The following PLPPR4 variants were observed in gnomAD, a reference collection of about 807,000 sequenced individuals.
PLPPR4 encodes the protein phospholipid phosphatase-related protein type 4.
Under a neutral mutation model 56.6 loss-of-function variants are expected in PLPPR4, and 24 were observed. That is an observed-to-expected ratio of 0.42 (90% CI 0.31 to 0.60). PLPPR4 has a LOEUF of 0.60. Ranked by LOEUF, PLPPR4 falls within the 20% of genes least tolerant of loss-of-function variation. The pLI is 0.13. For synonymous variants in PLPPR4, 326 were observed against 328.1 expected (o/e 0.99, Z 0.07); for missense variants, 654 against 885.8 (o/e 0.74, Z 3.32).
intron 5 of PLPPR4, among the ~76,000 whole-genome samples, chr1:99,301,467 C>T (rs1170509488): frequency 2.0e-5 from 3 of 151,990 alleles, no homozygotes; most frequent in African/African-American, 7.2e-5. Flanking sequence ...CGACAAGTAA[C>T]ATGGAGACTA....
chr1:99,287,890 G>C (rs1286035553), intron 1 of PLPPR4, 75 bp from the exon 2 acceptor site: 1 of 1,147,814 alleles, frequency 8.7e-7, no homozygotes, highest in Non-Finnish European at 1.2e-6. Context: ...GAGAAGGAGA[G>C]AAAGCCACTT....
At chr1:99,284,161 C>T (rs936354494) in intron 1 of PLPPR4, among the ~76,000 whole-genome samples, 15 of 152,072 alleles carry the variant, frequency 9.9e-5, no homozygotes, top group East Asian at 9.6e-4. Flanking sequence ...ATGCCGAAAC[C>T]GGCACATACC....
intron 3 of PLPPR4, among the ~76,000 whole-genome samples, chr1:99,297,133 T>C (rs72736391): frequency 0.055 from 8,380 of 152,248 alleles, 347 homozygotes; most frequent in East Asian, 0.17. Flanking sequence ...GGTTGAAGTA[T>C]GAATTTATTT....
chr1:99,303,623 T>C (rs1217526587), intron 6 of PLPPR4, among the ~76,000 whole-genome samples: 2 of 152,190 alleles, frequency 1.3e-5, no homozygotes, highest in African/African-American at 4.8e-5. Context: ...TTCTCAATCA[T>C]GTGGTCTTAG....
At chr1:99,264,262 T>A (rs1658830916), upstream of PLPPR4, 1 of 580,704 alleles carries the variant, frequency 1.7e-6, no homozygotes, top group African/African-American at 1.9e-5. Context: ...GCAAGGGCGG[T>A]AGAGAGCTGA....
chr1:99,281,303 T>C (rs1659319227), intron 1 of PLPPR4, among the ~76,000 whole-genome samples: 1 of 152,216 alleles, frequency 6.6e-6, no homozygotes, highest in African/African-American at 2.4e-5. Context: ...CACACTGCCC[T>C]GTTTCAATTT....
At chr1:99,267,096 C>T (rs1005282736) in intron 1 of PLPPR4, among the ~76,000 whole-genome samples, 8 of 152,338 alleles carry the variant, frequency 5.3e-5, no homozygotes, top group Admixed American at 2.0e-4. Context: ...TTCTCTGTTA[C>T]TCAAACCATA....
Position 99,307,218 on chromosome 1 carries a change from T to G in PLPPR4, c.*208T>G. ...GCACAATGCAAGAACCTAACTAACG[T>G]GATGATATGAAGAGTTTTCTTAAGA... On this transcript the variant is annotated 3_prime_UTR_variant, in exon 7 of 7. Coordinates refer to ENST00000370185, the MANE Select transcript of PLPPR4 (RefSeq NM_014839.5). 1 of 556,448 alleles carries G rather than the reference T, an allele frequency of 1.8e-6. No homozygotes were observed. The highest frequency in any genetic ancestry group is 2.9e-5 in the East Asian group (1 of 33,966). 34.5% of individuals were successfully genotyped at this position (556,448 alleles called of 1,614,324 possible).
chr1:99,290,811 T>TA (rs1659597527), intron 2 of PLPPR4, among the ~76,000 whole-genome samples: 1 of 152,186 alleles, frequency 6.6e-6, no homozygotes, highest in African/African-American at 2.4e-5. Flanking sequence ...ATTAAAGACT[T>TA]ACATGTAAAA....
In PLPPR4 at chr1:99,306,974, C is replaced by T; in HGVS notation, c.2112C>T (p.Tyr704=). The stretch of plus-strand genomic sequence containing the variant: ...CCGAAAACACTAGAAATATCTTCTA[C>T]AAAGGAACCTCCCCCACACGGGCTT... The part of the protein sequence containing the change: ...NSPENTRNIF[Y]KGTSPTRAYK... The change falls in exon 7 of 7, where the codon TAC becomes TAT. Residue 704 remains tyrosine (Y), a synonymous_variant. Transcript: ENST00000370185. This position sits in a 1 kb window ranked among gnomAD's most constrained non-coding sequence, Gnocchi z 4.0. 6 of 1,609,490 alleles carry T rather than the reference C, an allele frequency of 3.7e-6. No homozygotes were observed. The highest frequency in any genetic ancestry group is 5.1e-6 in the Non-Finnish European group (6 of 1,179,390).
At chr1:99,294,695 C>CA (rs58586815) in intron 2 of PLPPR4, among the ~76,000 whole-genome samples, 1,835 of 62,526 alleles carry the variant, frequency 0.029, 15 homozygotes, top group South Asian at 0.06. Context: ...GACTCAGTCT[C>CA]AAAAAAAAAA....
At chr1:99,294,393 A>T (rs1659691853) in intron 2 of PLPPR4, among the ~76,000 whole-genome samples, 1 of 152,114 alleles carries the variant, frequency 6.6e-6, no homozygotes, top group South Asian at 2.1e-4. Flanking sequence ...AACATATTCA[A>T]ACAACTAAAA....
intron 1 of PLPPR4, 54 bp downstream of exon 1, chr1:99,264,725 C>A (rs1404555375): frequency 2.0e-6 from 3 of 1,531,048 alleles, no homozygotes; most frequent in East Asian, 2.5e-5. Flanking sequence ...ATCTCCTGAG[C>A]GAATTCAGGT....
chr1:99,303,162 AGAAG>A (rs1659928430), intron 6 of PLPPR4, among the ~76,000 whole-genome samples: 1 of 152,042 alleles, frequency 6.6e-6, no homozygotes, highest in Non-Finnish European at 1.5e-5. Context: ...GGGTAAAGAA[AGAAG>A]GGAGGGCATT....
At chr1:99,278,872 T>C (rs974293700) in intron 1 of PLPPR4, among the ~76,000 whole-genome samples, 2 of 152,202 alleles carry the variant, frequency 1.3e-5, no homozygotes, top group African/African-American at 4.8e-5. Context: ...AATACATCTA[T>C]TAGGTGAGGT....
chr1:99,284,114 T>A (rs933122584), intron 1 of PLPPR4, among the ~76,000 whole-genome samples: 14 of 152,208 alleles, frequency 9.2e-5, no homozygotes, highest in African/African-American at 3.1e-4. Context: ...GAAACAAGTC[T>A]GTGTAATTTT....
intron 6 of PLPPR4, among the ~76,000 whole-genome samples, chr1:99,305,029 A>G (rs1161517662): frequency 2.0e-5 from 3 of 152,192 alleles, no homozygotes; most frequent in Non-Finnish European, 2.9e-5. Flanking sequence ...ATGGTACTAA[A>G]TTGATCAAAT....
At chr1:99,282,152 T>C (rs1472188607) in intron 1 of PLPPR4, among the ~76,000 whole-genome samples, 1 of 152,206 alleles carries the variant, frequency 6.6e-6, no homozygotes, top group Admixed American at 6.5e-5. Context: ...CAGAATCTTC[T>C]ATTCTTTCCA....
intron 1 of PLPPR4, among the ~76,000 whole-genome samples, chr1:99,273,316 TAAAGA>T (rs1659104191): frequency 1.3e-5 from 2 of 151,948 alleles, no homozygotes; most frequent in African/African-American, 4.8e-5. Flanking sequence ...AAGAATAAAT[TAAAGA>T]AAAGGGGAAA....
Sources: allele counts gnomAD v4.1 joint callset (sites outside exome capture counted in the v4.1 genomes callset), GRCh38; gene constraint gnomAD v4.1.1; non-coding constraint Gnocchi (gnomAD v3.1); transcripts MANE v1.5; gene names NCBI Gene and HGNC (gene_info 2026-07-23, HGNC 2026-07-21).